Variants in LRP8 observed in about 807,000 individuals in gnomAD.
LRP8 encodes the protein low-density lipoprotein receptor-related protein 8.
A neutral mutation model predicts 111.6 loss-of-function variants in LRP8; 46 were observed. The observed-to-expected ratio is 0.41, with a 90% confidence interval of 0.33 to 0.53. LRP8 has a LOEUF of 0.53. Ranked by LOEUF, LRP8 falls within the 20% of genes least tolerant of loss-of-function variation. The pLI, the probability that LRP8 is intolerant of heterozygous loss-of-function variation, is 0.20. For synonymous variants in LRP8, 464 were observed against 511.2 expected (o/e 0.91, Z 1.24); for missense variants, 959 against 1,297.4 (o/e 0.74, Z 4.01).
In LRP8 at chr1:53,262,018, T is replaced by C. The variant is rs1157882741; in HGVS notation, c.1914+50A>G. On this transcript the variant is annotated intron_variant, in intron 12 of 18. Coordinates refer to ENST00000306052, the MANE Select transcript of LRP8 (RefSeq NM_004631.5). This position sits in a 1 kb window ranked among gnomAD's most constrained non-coding sequence, Gnocchi z 4.8. ...ACTCATCCTATTTGAACAAGCATTT[T>C]CTAGGCTTCAGCTTCCTAGTGGGCC... The C allele has an allele frequency of 7.5e-6, 12 of 1,599,106 alleles. No homozygotes were observed. In the South Asian group the frequency reaches 1.1e-4, roughly 15 times the overall value.
intron 6 of LRP8, among the ~76,000 whole-genome samples, chr1:53,274,997 G>C (rs1459665756): frequency 9.9e-5 from 15 of 152,208 alleles, no homozygotes; most frequent in African/African-American, 3.4e-4. Flanking sequence ...CACAGGACAG[G>C]ATCCCAGGGA....
At chr1:53,251,350 T>C (rs920516589) in intron 16 of LRP8, among the ~76,000 whole-genome samples, 4 of 151,944 alleles carry the variant, frequency 2.6e-5, no homozygotes, top group African/African-American at 9.7e-5. Context: ...CTCCCAAAAC[T>C]GGGGGGTGGA....
intron 3 of LRP8, among the ~76,000 whole-genome samples, chr1:53,285,244 C>G (rs1234418865): frequency 1.3e-5 from 2 of 152,126 alleles, no homozygotes; most frequent in African/African-American, 4.8e-5. Context: ...TGCACCTAAC[C>G]ACTGCACAAG....
In LRP8 at chr1:53,266,649, T is replaced by C; in HGVS notation, c.1253-2A>G. The C allele has an allele frequency of 6.2e-7, 1 of 1,613,796 alleles. No individual in the cohort carries two copies. Among genetic ancestry groups the C allele is most frequent in the Non-Finnish European group, 8.5e-7 (1 of 1,179,844 alleles). On this transcript the variant is annotated splice_acceptor_variant, in intron 8 of 18. Coordinates refer to ENST00000306052, the MANE Select transcript of LRP8 (RefSeq NM_004631.5). LOFTEE classifies it high-confidence loss of function. The surrounding 1 kb of genome is among the most constrained non-coding windows in gnomAD (Gnocchi z 5.0). ...AGATTAGGGATGGGCTCTTGCCAGC[T>C]GTCATGCAGGGAGGTTGAAAGAGAA...
At chr1:53,254,884 C>T (rs1224408330) in intron 16 of LRP8, among the ~76,000 whole-genome samples, 1 of 151,814 alleles carries the variant, frequency 6.6e-6, no homozygotes, top group Non-Finnish European at 1.5e-5. Flanking sequence ...GAGTGTGAAT[C>T]GAGGGGTGGG....
rs567766058 is a variant in LRP8 at position 53,317,093 on chromosome 1, T to A, written c.244+9780A>T. On this transcript the variant is annotated intron_variant, in intron 2 of 18. Transcript: ENST00000306052. This position sits in a 1 kb window ranked among gnomAD's most constrained non-coding sequence, Gnocchi z 4.9. ...CCCCAAGCACACGCACATGTGCCCA[T>A]GCCCATGGCCGAGAAAGGGCTCTGA... Among the ~76,000 whole-genome samples, 1 of 144,456 alleles carries A rather than the reference T, an allele frequency of 6.9e-6. No individual in the cohort carries two copies. Among genetic ancestry groups the A allele is most frequent in the East Asian group, 2.3e-4 (1 of 4,360 alleles). 94.8% of individuals were successfully genotyped at this position (144,456 alleles called of 152,430 possible). A position where few individuals can be genotyped will look rare whatever the true frequency, so the allele number is the denominator to read the frequency against.
rs1362889820 is a variant in LRP8, at chr1:53,293,054, G to T, written c.245-3365C>A. On this transcript the variant is annotated intron_variant, in intron 2 of 18. Transcript: ENST00000306052. This position sits in a 1 kb window ranked among gnomAD's most constrained non-coding sequence, Gnocchi z 4.9. ...TAGGCAAGTCTGGCAAGGATGTGTG[G>T]TCAGACAGTGCCCAAAACAGCAGGG... 6.6e-6 allele frequency among the ~76,000 whole-genome samples: 1 copy of T among 152,214 alleles called. No homozygotes were observed. Among genetic ancestry groups the T allele is most frequent in the African/African-American group, 2.4e-5 (1 of 41,448 alleles).
intron 2 of LRP8, among the ~76,000 whole-genome samples, chr1:53,325,826 C>G (rs1236581375): frequency 6.6e-6 from 1 of 152,234 alleles, no homozygotes; most frequent in Non-Finnish European, 1.5e-5. Context: ...GGCGCCCCAG[C>G]GCCTGGCACG....
Position 53,275,671 on chromosome 1 carries a change from C to T in LRP8, c.966G>A (p.Gln322=). 6.2e-7 allele frequency: 1 copy of T among 1,614,132 alleles called. No homozygotes were observed. The part of the protein sequence containing the change: ...VLAIKHCNQE[Q]DCPDGSDEAG... ...CTTCATCACTCCCATCTGGACAGTC[C>T]TGCTCCTGGTTGCAGTGCTTGATTG... The change falls in exon 6 of 19, where the codon CAG becomes CAA. Residue 322 remains glutamine (Q), a synonymous_variant. Coordinates refer to ENST00000306052, the MANE Select transcript of LRP8 (RefSeq NM_004631.5). The surrounding 1 kb of genome is among the most constrained non-coding windows in gnomAD (Gnocchi z 4.4).
rs1373894425 is a variant in LRP8, at chr1:53,277,022, C to T, written c.553G>A (p.Val185Met). The stretch of plus-strand genomic sequence containing the variant: ...CCACAGTCGTCGTCGCCGTCGCACA[C>T]GAACACGGCGGCCAGGCACGAGCGG... ...GNRSCLAAVF[V>M]CDGDDDCGDG... is the part of the protein sequence containing the mutation. Residue 185 changes from valine to methionine, a missense_variant, in exon 5 of 19, where the codon GTG (valine) becomes ATG (methionine). Val to Met is a conservative substitution (Grantham distance 21, BLOSUM62 1). Coordinates refer to ENST00000306052, the MANE Select transcript of LRP8 (RefSeq NM_004631.5). 5.9e-6 allele frequency: 9 copies of T among 1,520,778 alleles called. No individual in the cohort carries two copies. The highest frequency in any genetic ancestry group is 2.8e-5 in the African/African-American group (2 of 71,110). The allele number at this position is 1,520,778 out of a possible 1,614,324, so 94.2% of individuals were successfully genotyped here.
At chr1:53,278,444 T>G (rs1478344226) in intron 4 of LRP8, among the ~76,000 whole-genome samples, 1 of 152,272 alleles carries the variant, frequency 6.6e-6, no homozygotes, top group Non-Finnish European at 1.5e-5. Context: ...GTTTTCACTT[T>G]CTGATGGAAA....
Position 53,266,395 on chromosome 1 carries a change from C to A in LRP8, c.1427+78G>T. On this transcript the variant is annotated intron_variant, in intron 9 of 18. Transcript: ENST00000306052. This position sits in a 1 kb window ranked among gnomAD's most constrained non-coding sequence, Gnocchi z 5.0. ...TCCTGAGGAGCTCTAGAGGCAGACA[C>A]CACTCCTCCCCTCCTCACCTGTCAC... 5 of 1,480,296 alleles carry A rather than the reference C, an allele frequency of 3.4e-6. No individual in the cohort carries two copies. The highest frequency in any genetic ancestry group is 4.7e-6 in the Non-Finnish European group (5 of 1,072,756). The allele number at this position is 1,480,296 out of a possible 1,614,324, so 91.7% of individuals were successfully genotyped here.
rs931510685 is a variant in LRP8 at position 53,243,376 on chromosome 1, T to G, written c.*3642A>C. 4 of 152,192 alleles carry G rather than the reference T, an allele frequency of 2.6e-5. No individual in the cohort carries two copies. Among genetic ancestry groups the G allele is most frequent in the Non-Finnish European group, 5.9e-5 (4 of 68,036 alleles). 9.4% of individuals were successfully genotyped at this position (152,192 alleles called of 1,614,324 possible). A position where few individuals can be genotyped will look rare whatever the true frequency, so the allele number is the denominator to read the frequency against. ...AATCCCACTGCCCTTATATTAGTCTTCATTGACCATATAAAAAATCTTTGA... is the reference window on the plus strand; with the variant it reads ...AATCCCACTGCCCTTATATTAGTCTGCATTGACCATATAAAAAATCTTTGA... On this transcript the variant is annotated 3_prime_UTR_variant, in exon 19 of 19. Coordinates refer to ENST00000306052, the MANE Select transcript of LRP8 (RefSeq NM_004631.5).
rs1653981377 is a variant in LRP8, at chr1:53,317,651, G to C, written c.244+9222C>G. 6.6e-6 allele frequency among the ~76,000 whole-genome samples: 1 copy of C among 152,234 alleles called. No individual in the cohort carries two copies. Among genetic ancestry groups the C allele is most frequent in the African/African-American group, 2.4e-5 (1 of 41,458 alleles). ...TGCAGGAATCACAGGCTCAGGAAGG[G>C]AAGGGAAACGCTCATTTTCAGGGCC... is the stretch of plus-strand genomic sequence containing the variant. On this transcript the variant is annotated intron_variant, in intron 2 of 18. Coordinates refer to ENST00000306052, the MANE Select transcript of LRP8 (RefSeq NM_004631.5). The surrounding 1 kb of genome is among the most constrained non-coding windows in gnomAD (Gnocchi z 4.9).
intron 2 of LRP8, among the ~76,000 whole-genome samples, chr1:53,306,712 G>T (rs1465443930): frequency 2.0e-5 from 3 of 152,184 alleles, no homozygotes; most frequent in Admixed American, 2.0e-4. Context: ...AGTCTGCAAG[G>T]CTGGGAGGGC....
intron 3 of LRP8, among the ~76,000 whole-genome samples, chr1:53,287,075 A>G (rs1647672833): frequency 6.6e-6 from 1 of 152,238 alleles, no homozygotes; most frequent in Non-Finnish European, 1.5e-5. Context: ...TACTGCCTAT[A>G]ATCTTTCTTT....
At chr1:53,274,046 C>A (rs1430156388) in intron 6 of LRP8, among the ~76,000 whole-genome samples, 1 of 152,190 alleles carries the variant, frequency 6.6e-6, no homozygotes, top group Non-Finnish European at 1.5e-5. Context: ...GATGCCCACC[C>A]TACCTACAGC....
At chr1:53,265,318 A>C (rs767566817) in intron 9 of LRP8, among the ~76,000 whole-genome samples, 1 of 152,166 alleles carries the variant, frequency 6.6e-6, no homozygotes, top group Middle Eastern at 3.2e-3. Flanking sequence ...CCAGACTGCA[A>C]AGCTAACTAG....
chr1:53,317,942 CTA>C lies in LRP8; in HGVS notation c.244+8929_244+8930del, dbSNP rs1654019981. ...CCCAGAATCCAGCCCACCAAGCCAG[CTA>C]TACTCCCCGCACTGTCACCAGGTAG... On this transcript the variant is annotated intron_variant, in intron 2 of 18. Coordinates refer to ENST00000306052, the MANE Select transcript of LRP8 (RefSeq NM_004631.5). The surrounding 1 kb of genome is among the most constrained non-coding windows in gnomAD (Gnocchi z 4.9). Among the ~76,000 whole-genome samples the C allele has an allele frequency of 2.6e-5, 4 of 152,212 alleles. No individual in the cohort carries two copies. The highest frequency in any genetic ancestry group is 7.2e-5 in the African/African-American group (3 of 41,452).
Sources: allele counts gnomAD v4.1 joint callset (sites outside exome capture counted in the v4.1 genomes callset), GRCh38; gene constraint gnomAD v4.1.1; non-coding constraint Gnocchi (gnomAD v3.1); transcripts MANE v1.5; gene names NCBI Gene and HGNC (gene_info 2026-07-23, HGNC 2026-07-21).